The following SPAG16 variants were observed in gnomAD, a reference collection of about 807,000 sequenced individuals.
SPAG16 encodes sperm associated antigen 16.
A neutral mutation model predicts 80.4 loss-of-function variants in SPAG16; 86 were observed. The ratio of observed to expected loss-of-function variants is 1.07; its 90% confidence interval spans 0.90 to 1.28. The LOEUF (loss-of-function observed/expected upper bound fraction) is 1.28. SPAG16 is among the 50% of genes most tolerant of loss of function. The pLI is 0.00. For synonymous variants in SPAG16, 294 were observed against 265.9 expected (o/e 1.11, Z -1.03); for missense variants, 870 against 765.3 (o/e 1.14, Z -1.61).
chr2:213,986,558 T>C (rs1270183813), intron 12 of SPAG16, among the ~76,000 whole-genome samples: 1 of 152,018 alleles, frequency 6.6e-6, no homozygotes, highest in East Asian at 1.9e-4. Flanking sequence ...ATATAAAATG[T>C]CTTATTGTTA....
intron 14 of SPAG16, among the ~76,000 whole-genome samples, chr2:214,115,533 A>G (rs551077435): frequency 8.5e-4 from 130 of 152,222 alleles, no homozygotes; most frequent in Non-Finnish European, 1.8e-3. Context: ...TTATCAAGCT[A>G]GCAATCTAGA....
At chr2:214,066,058 G>A (rs2050514501) in intron 13 of SPAG16, among the ~76,000 whole-genome samples, 1 of 152,138 alleles carries the variant, frequency 6.6e-6, no homozygotes, top group Admixed American at 6.6e-5. Flanking sequence ...TGTGTTAGAA[G>A]TCCAGCTTGT....
intron 9 of SPAG16, among the ~76,000 whole-genome samples, chr2:213,407,628 AG>A (rs2068698719): frequency 1.1e-5 from 1 of 93,432 alleles, no homozygotes; most frequent in Admixed American, 1.0e-4. Context: ...AGAGAGAGAG[AG>A]AGAGAGAGAG....
chr2:214,021,598 T>A (rs964636067), intron 13 of SPAG16, among the ~76,000 whole-genome samples: 1 of 152,094 alleles, frequency 6.6e-6, no homozygotes, highest in Non-Finnish European at 1.5e-5. Flanking sequence ...AGATGAGATT[T>A]GGGTGGGGAC....
chr2:213,593,960 A>G (rs1004926117), intron 10 of SPAG16, among the ~76,000 whole-genome samples: 2 of 151,044 alleles, frequency 1.3e-5, no homozygotes, highest in African/African-American at 4.9e-5. Flanking sequence ...TATTTTTAGT[A>G]GAGGCGGGTT....
chr2:214,133,095 A>G, intron 14 of SPAG16, among the ~76,000 whole-genome samples: 1 of 135,684 alleles, frequency 7.4e-6, no homozygotes, highest in Non-Finnish European at 1.6e-5. Context: ...TCCATCTCAA[A>G]TAAAATAAAA....
intron 11 of SPAG16, among the ~76,000 whole-genome samples, chr2:213,876,322 A>T: frequency 3.4e-5 from 1 of 29,490 alleles, no homozygotes; most frequent in East Asian, 1.1e-3. Context: ...AAAAAAAAAG[A>T]AGAAGAAAAG....
chr2:213,524,674 C>T (rs753569440), intron 10 of SPAG16, among the ~76,000 whole-genome samples: 2 of 152,334 alleles, frequency 1.3e-5, no homozygotes, highest in Admixed American at 1.3e-4. Context: ...GACTGGATTT[C>T]GGACTTGCAT....
intron 5 of SPAG16, among the ~76,000 whole-genome samples, chr2:213,319,999 T>G (rs908710455): frequency 3.2e-4 from 48 of 151,904 alleles, no homozygotes; most frequent in Non-Finnish European, 2.9e-5. Context: ...CAAGGAAAAT[T>G]TGTGTTTGCT....
At chr2:213,782,199 TA>T (rs1291506457) in intron 10 of SPAG16, among the ~76,000 whole-genome samples, 1 of 150,386 alleles carries the variant, frequency 6.6e-6, no homozygotes, top group Non-Finnish European at 1.5e-5. Flanking sequence ...TTTTAAATAA[TA>T]AAAAAAGGAA....
intron 15 of SPAG16, among the ~76,000 whole-genome samples, chr2:214,245,404 G>C (rs1033706027): frequency 6.6e-6 from 1 of 151,908 alleles, no homozygotes; most frequent in Non-Finnish European, 1.5e-5. Flanking sequence ...CCTAAGTCCT[G>C]TATCTTAATG....
intron 10 of SPAG16, among the ~76,000 whole-genome samples, chr2:213,588,694 C>T (rs368870604): frequency 1.3e-5 from 2 of 150,248 alleles, no homozygotes; most frequent in African/African-American, 4.9e-5. Context: ...CCCAGCTACT[C>T]GGGAGGCTGA....
intron 13 of SPAG16, 126 bp downstream of exon 13, chr2:214,014,203 A>G: frequency 8.3e-7 from 1 of 1,198,218 alleles, no homozygotes; most frequent in Non-Finnish European, 1.1e-6. Flanking sequence ...AGAACAGTAA[A>G]AAGTTCATAA....
intron 10 of SPAG16, among the ~76,000 whole-genome samples, chr2:213,649,682 C>A (rs939233939): frequency 1.3e-5 from 2 of 152,166 alleles, no homozygotes; most frequent in African/African-American, 4.8e-5. Flanking sequence ...TCAATTGATA[C>A]TCCTACCTCA....
chr2:213,975,426 A>G (rs2045317104), intron 12 of SPAG16, among the ~76,000 whole-genome samples: 1 of 151,882 alleles, frequency 6.6e-6, no homozygotes, highest in East Asian at 1.9e-4. Flanking sequence ...ATTTATTAAC[A>G]TGTTCCTAAA....
intron 15 of SPAG16, among the ~76,000 whole-genome samples, chr2:214,398,827 T>C (rs1701544038): frequency 6.6e-6 from 1 of 152,220 alleles, no homozygotes; most frequent in African/African-American, 2.4e-5. Context: ...TTTATAGACA[T>C]ACTTGGTTGG....
At chr2:213,465,355 A>T (rs142611526) in intron 9 of SPAG16, among the ~76,000 whole-genome samples, 220 of 152,322 alleles carry the variant, frequency 1.4e-3, no homozygotes, top group African/African-American at 4.8e-3. Context: ...GTCATTCAGG[A>T]TGACTACTGT....
intron 10 of SPAG16, among the ~76,000 whole-genome samples, chr2:213,649,843 G>A (rs1326526440): frequency 6.6e-6 from 1 of 151,932 alleles, no homozygotes. Flanking sequence ...ACTGTGTCCG[G>A]AGCACAGCTC....
intron 15 of SPAG16, among the ~76,000 whole-genome samples, chr2:214,258,932 T>A (rs1559161337): frequency 1.3e-5 from 2 of 152,182 alleles, no homozygotes; most frequent in East Asian, 3.9e-4. Context: ...TTATTTTTAT[T>A]CTTTGAGAAC....
Sources: allele counts gnomAD v4.1 joint callset (sites outside exome capture counted in the v4.1 genomes callset), GRCh38; gene constraint gnomAD v4.1.1; transcripts MANE v1.5; gene names NCBI Gene and HGNC (gene_info 2026-07-23, HGNC 2026-07-21).